The following RAD18 variants were observed in gnomAD, a reference collection of about 807,000 sequenced individuals.
RAD18 encodes E3 ubiquitin-protein ligase RAD18.
Under a neutral mutation model 60.4 loss-of-function variants are expected in RAD18, and 47 were observed. That is an observed-to-expected ratio of 0.78 (90% CI 0.62 to 0.99). RAD18 has a LOEUF of 0.99. Ranked by LOEUF, RAD18 falls within the 50% of genes least tolerant of loss-of-function variation. The pLI is 0.00. For missense variants in RAD18, 640 were observed against 593.3 expected (o/e 1.08, Z -0.82); for synonymous variants, 225 against 195.5 (o/e 1.15, Z -1.26).
chr3:8,890,459 G>A lies in RAD18; in HGVS notation c.1323-8C>T, dbSNP rs1939664246. On this transcript the variant is annotated splice_polypyrimidine_tract_variant and splice_region_variant and intron_variant, in intron 11 of 12. Coordinates refer to ENST00000264926, the MANE Select transcript of RAD18 (RefSeq NM_020165.4). Reference sequence around the variant, plus strand: ...ATGATGTCTGAACTGGAACTAAAAGGATATGTACATCAGTATTGACAGACA... The same window carrying A: ...ATGATGTCTGAACTGGAACTAAAAGAATATGTACATCAGTATTGACAGACA... The A allele has an allele frequency of 1.3e-6, 2 of 1,564,650 alleles. No homozygotes were observed. Among genetic ancestry groups the A allele is most frequent in the Non-Finnish European group, 1.8e-6 (2 of 1,135,306 alleles).
intron 7 of RAD18, among the ~76,000 whole-genome samples, chr3:8,935,537 G>A (rs1940634252): frequency 1.3e-5 from 2 of 152,012 alleles, no homozygotes; most frequent in Admixed American, 1.3e-4. Context: ...ATCAAGTAAC[G>A]TGCCCACAGT....
rs965187186 is a variant in RAD18, at chr3:8,881,042, TCAAACCAAAC to T, written c.*305_*314del. ...CTAAGGACATTCTGAAATTTAATTA[TCAAACCAAAC>T]CAAACCAAACCAAATCCCTGTGCCA... On this transcript the variant is annotated 3_prime_UTR_variant, in exon 13 of 13. Coordinates refer to ENST00000264926, the MANE Select transcript of RAD18 (RefSeq NM_020165.4). 2 of 223,008 alleles carry T rather than the reference TCAAACCAAAC, an allele frequency of 9.0e-6. No homozygotes were observed. The highest frequency in any genetic ancestry group is 1.5e-3 in the Middle Eastern group (1 of 672). 13.8% of individuals were successfully genotyped at this position (223,008 alleles called of 1,614,324 possible).
At chr3:8,945,348 C>G (rs575481719) in intron 4 of RAD18, among the ~76,000 whole-genome samples, 5 of 152,164 alleles carry the variant, frequency 3.3e-5, no homozygotes, top group African/African-American at 1.2e-4. Flanking sequence ...CAACAAGAGA[C>G]CAAATACACA....
chr3:8,945,123 T>C (rs1362146987), intron 4 of RAD18, among the ~76,000 whole-genome samples: 1 of 152,246 alleles, frequency 6.6e-6, no homozygotes, highest in Non-Finnish European at 1.5e-5. Flanking sequence ...ATGCAAATAC[T>C]ATGCCATTTT....
At chr3:8,891,407 C>A (rs1287993568) in intron 11 of RAD18, among the ~76,000 whole-genome samples, 6 of 152,076 alleles carry the variant, frequency 3.9e-5, no homozygotes, top group Non-Finnish European at 1.5e-5. Context: ...TGTCAACTAA[C>A]CTAGTAGAGT....
intron 2 of RAD18, among the ~76,000 whole-genome samples, chr3:8,958,209 C>T (rs1941041818): frequency 1.3e-5 from 2 of 152,304 alleles, no homozygotes; most frequent in African/African-American, 4.8e-5. Flanking sequence ...AAGCTACTAC[C>T]AACTAAAACC....
chr3:8,884,764 G>A (rs554992180), intron 12 of RAD18, among the ~76,000 whole-genome samples: 22 of 152,062 alleles, frequency 1.4e-4, no homozygotes, highest in Non-Finnish European at 2.2e-4. Flanking sequence ...GGATCTCAGC[G>A]GTTCTCCCAG....
chr3:8,920,669 T>C (rs545674610), intron 7 of RAD18, among the ~76,000 whole-genome samples: 1 of 140,286 alleles, frequency 7.1e-6, no homozygotes, highest in East Asian at 2.0e-4. Flanking sequence ...ATCACTTATA[T>C]AGTATTCTGG....
intron 11 of RAD18, among the ~76,000 whole-genome samples, chr3:8,894,108 T>C (rs1425181542): frequency 2.0e-5 from 3 of 152,292 alleles, no homozygotes; most frequent in African/African-American, 7.2e-5. Flanking sequence ...CTCATCTTGT[T>C]TTGCCACATT....
rs1303587011 is a variant in RAD18 at position 8,880,029 on chromosome 3, T to G, written c.*1328A>C. 6.6e-6 allele frequency: 1 copy of G among 152,236 alleles called. No individual in the cohort carries two copies. Among genetic ancestry groups the G allele is most frequent in the East Asian group, 1.9e-4 (1 of 5,200 alleles). 9.4% of individuals were successfully genotyped at this position (152,236 alleles called of 1,614,324 possible). A position where few individuals can be genotyped will look rare whatever the true frequency, so the allele number is the denominator to read the frequency against. ...ATGCTCACTTACCTCACATCAGTTCTGCCGATAGATTTGGTAAGTGGTGCT... is the reference window on the plus strand; with the variant it reads ...ATGCTCACTTACCTCACATCAGTTCGGCCGATAGATTTGGTAAGTGGTGCT... On this transcript the variant is annotated 3_prime_UTR_variant, in exon 13 of 13. Transcript: ENST00000264926.
intron 1 of RAD18, among the ~76,000 whole-genome samples, chr3:8,960,876 ATT>A (rs1941085447): frequency 6.6e-6 from 1 of 152,138 alleles, no homozygotes; most frequent in South Asian, 2.1e-4. Context: ...CTGAATTTTA[ATT>A]TTTTTCTACC....
intron 7 of RAD18, among the ~76,000 whole-genome samples, chr3:8,931,017 A>G (rs1388359834): frequency 1.3e-5 from 2 of 152,240 alleles, no homozygotes; most frequent in African/African-American, 2.4e-5. Context: ...AACCAATGCA[A>G]CTAACCAAGG....
chr3:8,882,062 G>T (rs1282062343), intron 12 of RAD18, among the ~76,000 whole-genome samples: 1 of 152,180 alleles, frequency 6.6e-6, no homozygotes, highest in African/African-American at 2.4e-5. Flanking sequence ...CCTCCGTCAG[G>T]TGCTCACAAG....
At chr3:8,886,833 G>C (rs1011841451) in intron 12 of RAD18, among the ~76,000 whole-genome samples, 1 of 152,230 alleles carries the variant, frequency 6.6e-6, no homozygotes, top group African/African-American at 2.4e-5. Context: ...GGTGCAGCTT[G>C]GCAGCTTGGC....
rs1940742905 is a variant in RAD18, at chr3:8,941,331, T to C, written c.604+136A>G. ...AAGAGAACAAACATATCTACAACAA[T>C]GTCTGAGGTTTGTGATATGGTAAAA... On this transcript the variant is annotated intron_variant, in intron 5 of 12. Coordinates refer to ENST00000264926, the MANE Select transcript of RAD18 (RefSeq NM_020165.4). 7 of 759,434 alleles carry C rather than the reference T, an allele frequency of 9.2e-6. No homozygotes were observed. The East Asian group carries it at 1.6e-4, about 18-fold the overall frequency. 47.0% of individuals were successfully genotyped at this position (759,434 alleles called of 1,614,324 possible). A position where few individuals can be genotyped will look rare whatever the true frequency, so the allele number is the denominator to read the frequency against.
At chr3:8,913,234 CTCTTA>C (rs1478968979) in intron 8 of RAD18, among the ~76,000 whole-genome samples, 1 of 152,146 alleles carries the variant, frequency 6.6e-6, no homozygotes, top group Non-Finnish European at 1.5e-5. Flanking sequence ...TTAATTTATC[CTCTTA>C]TAATTACTTA....
At chr3:8,889,021 G>A (rs188315945) in intron 12 of RAD18, among the ~76,000 whole-genome samples, 1 of 152,248 alleles carries the variant, frequency 6.6e-6, no homozygotes, top group East Asian at 1.9e-4. Context: ...ATAATGCTTA[G>A]GTGAGAGACA....
At chr3:8,898,307 C>A (rs1363150976) in intron 11 of RAD18, among the ~76,000 whole-genome samples, 3 of 151,394 alleles carry the variant, frequency 2.0e-5, no homozygotes, top group African/African-American at 7.3e-5. Context: ...TTGTGCCAAC[C>A]TATAGAAACG....
At chr3:8,926,558 C>T (rs1427753995) in intron 7 of RAD18, among the ~76,000 whole-genome samples, 1 of 152,166 alleles carries the variant, frequency 6.6e-6, no homozygotes, top group Non-Finnish European at 1.5e-5. Context: ...GAAAAAACTA[C>T]TTTAAAGTTC....
Sources: gnomAD v4.1 joint callset for allele counts (sites outside exome capture counted in the v4.1 genomes callset) on GRCh38, gnomAD v4.1.1 for gene constraint, MANE v1.5 for transcripts, NCBI Gene and HGNC (gene_info 2026-07-23, HGNC 2026-07-21) for gene names.